Variants in NEURL1 observed in about 807,000 individuals in gnomAD.
NEURL1 encodes the protein neuralized E3 ubiquitin protein ligase 1.
In NEURL1, 26 loss-of-function variants were observed where a neutral mutation model predicts 41.2. The ratio of observed to expected loss-of-function variants is 0.63; its 90% CI spans 0.46 to 0.87. The LOEUF is 0.87. Among genes scored for constraint, NEURL1 ranks in the 40% least tolerant of loss-of-function variants. The pLI is 0.00. For synonymous variants in NEURL1, 400 were observed against 402.3 expected (o/e 0.99, Z 0.07); for missense variants, 761 against 871.1 (o/e 0.87, Z 1.59).
Position 103,584,990 on chromosome 10 carries a change from C to A in NEURL1, c.1104C>A (p.Ala368=), listed in dbSNP as rs551943362. 8 of 1,545,894 alleles carry A rather than the reference C, an allele frequency of 5.2e-6. No homozygotes were observed. In the East Asian group the frequency reaches 2.0e-4, roughly 38 times the overall value. Residue 368 remains alanine (A), a synonymous_variant, in exon 4 of 6, where the codon GCC becomes GCA. Transcript: ENST00000369780. ...TTCDPGTLRP[A]DLPFSPEALV... ...GCGACCCCGGCACGCTGCGGCCGGC[C>A]GACCTGCCTTTCAGCCCTGAGGCCC...
Position 103,498,329 on chromosome 10 carries a change from G to T in NEURL1, c.85+3857G>T, listed in dbSNP as rs553738405. Among the ~76,000 whole-genome samples the T allele has an allele frequency of 5.3e-5, 8 of 152,284 alleles. No homozygotes were observed. The South Asian group carries it at 8.3e-4, about 16-fold the overall frequency. On this transcript the variant is annotated intron_variant, in intron 1 of 5. Coordinates refer to ENST00000369780, the MANE Select transcript of NEURL1 (RefSeq NM_004210.5). Reference sequence around the variant, plus strand: ...TGCAAGCTCCGCCTCCCGGGTTCACGCCTTCTCCCGCCTCAGCCTCCCGAG... The same window carrying T: ...TGCAAGCTCCGCCTCCCGGGTTCACTCCTTCTCCCGCCTCAGCCTCCCGAG...
intron 1 of NEURL1, among the ~76,000 whole-genome samples, chr10:103,521,951 T>G (rs371325786): frequency 0.013 from 1,965 of 151,448 alleles, 34 homozygotes; most frequent in African/African-American, 0.044. Flanking sequence ...AGAGATAGGG[T>G]TGGGGCCGTT....
chr10:103,499,763 A>G (rs1554887850), intron 1 of NEURL1, among the ~76,000 whole-genome samples: 1 of 151,576 alleles, frequency 6.6e-6, no homozygotes, highest in Non-Finnish European at 1.5e-5. Flanking sequence ...GCCTCTAGCC[A>G]TTTTTCTGCA....
At chr10:103,570,067 A>G (rs1189859759) in intron 1 of NEURL1, among the ~76,000 whole-genome samples, 1 of 152,202 alleles carries the variant, frequency 6.6e-6, no homozygotes, top group African/African-American at 2.4e-5. Context: ...AGCTCTTTGC[A>G]TCATTAAATT....
chr10:103,506,255 T>C (rs1053297024), intron 1 of NEURL1, among the ~76,000 whole-genome samples: 2 of 152,128 alleles, frequency 1.3e-5, no homozygotes, highest in African/African-American at 2.4e-5. Flanking sequence ...CTCCAGGGCA[T>C]GGGGCAGTCC....
chr10:103,513,749 C>A (rs975277446), intron 1 of NEURL1, among the ~76,000 whole-genome samples: 1 of 145,640 alleles, frequency 6.9e-6, no homozygotes, highest in Non-Finnish European at 1.5e-5. Flanking sequence ...TGCCTCTGGC[C>A]TAGGAGCTGG....
At position 103,584,957 on chromosome 10, in the gene NEURL1, C is replaced by T. The variant is rs2035881149; in HGVS notation, c.1071C>T (p.Val357=). 6.6e-7 allele frequency: 1 copy of T among 1,512,730 alleles called. No individual in the cohort carries two copies. The highest frequency in any genetic ancestry group is 8.8e-7 in the Non-Finnish European group (1 of 1,139,598). The allele number at this position is 1,512,730 out of a possible 1,614,324, so 93.7% of individuals were successfully genotyped here. A position where few individuals can be genotyped will look rare whatever the true frequency, so the allele number is the denominator to read the frequency against. Residue 357 remains valine, a synonymous_variant, in exon 4 of 6, where the codon GTC becomes GTT. Transcript: ENST00000369780. ...GARPGALSFG[V]TTCDPGTLRP... Reference sequence around the variant, plus strand: ...GGCCCGGCGCGCTGTCGTTCGGCGTCACCACGTGCGACCCCGGCACGCTGC... The same window carrying T: ...GGCCCGGCGCGCTGTCGTTCGGCGTTACCACGTGCGACCCCGGCACGCTGC...
intron 3 of NEURL1, among the ~76,000 whole-genome samples, chr10:103,578,706 C>G (rs896142978): frequency 2.0e-5 from 3 of 152,304 alleles, no homozygotes; most frequent in Admixed American, 6.5e-5. Flanking sequence ...CTGCCCTTCC[C>G]TCTGTGAGCC....
chr10:103,532,920 CTTTTTT>C (rs144783148), intron 1 of NEURL1, among the ~76,000 whole-genome samples: 2 of 63,570 alleles, frequency 3.1e-5, no homozygotes, highest in African/African-American at 6.9e-5. Context: ...TTCTCTTCTC[CTTTTTT>C]TTTTTTTTTT....
intron 1 of NEURL1, among the ~76,000 whole-genome samples, chr10:103,568,103 C>T (rs1180726800): frequency 6.6e-6 from 1 of 152,112 alleles, no homozygotes; most frequent in Non-Finnish European, 1.5e-5. Context: ...CGTGTATGCC[C>T]GTGAGTGTGT....
At chr10:103,561,744 T>C (rs2035297602) in intron 1 of NEURL1, among the ~76,000 whole-genome samples, 1 of 152,164 alleles carries the variant, frequency 6.6e-6, no homozygotes, top group Non-Finnish European at 1.5e-5. Flanking sequence ...AGGTTGTGTA[T>C]GAAGGGCAAA....
At chr10:103,507,799 G>A (rs866165846) in intron 1 of NEURL1, among the ~76,000 whole-genome samples, 2 of 152,168 alleles carry the variant, frequency 1.3e-5, no homozygotes, top group Non-Finnish European at 2.9e-5. Context: ...CAGCACCTGC[G>A]GTGTGATGTG....
intron 1 of NEURL1, among the ~76,000 whole-genome samples, chr10:103,554,410 A>G (rs1348603456): frequency 1.3e-5 from 2 of 152,134 alleles, no homozygotes; most frequent in Non-Finnish European, 2.9e-5. Context: ...GCCCATGTAT[A>G]TGCACATTTG....
At chr10:103,498,511 C>A (rs1415638693) in intron 1 of NEURL1, among the ~76,000 whole-genome samples, 1 of 152,232 alleles carries the variant, frequency 6.6e-6, no homozygotes, top group Non-Finnish European at 1.5e-5. Flanking sequence ...CAGGTGTGAG[C>A]CACCGCGCCA....
chr10:103,557,819 T>G (rs1185613035), intron 1 of NEURL1, among the ~76,000 whole-genome samples: 4 of 152,256 alleles, frequency 2.6e-5, no homozygotes, highest in African/African-American at 9.6e-5. Flanking sequence ...AGGGGTGCCG[T>G]AGCCTGTAGC....
chr10:103,523,493 T>A (rs2034398422), intron 1 of NEURL1, among the ~76,000 whole-genome samples: 1 of 151,538 alleles, frequency 6.6e-6, no homozygotes, highest in African/African-American at 2.4e-5. Flanking sequence ...AAAAGTACAA[T>A]AAATTGTTGT....
intron 1 of NEURL1, among the ~76,000 whole-genome samples, chr10:103,562,601 A>G (rs769310520): frequency 6.6e-6 from 1 of 152,210 alleles, no homozygotes; most frequent in Non-Finnish European, 1.5e-5. Flanking sequence ...AATGCATTGC[A>G]TACAACAAGT....
intron 1 of NEURL1, among the ~76,000 whole-genome samples, chr10:103,529,427 T>C (rs915362264): frequency 1.3e-5 from 2 of 152,176 alleles, no homozygotes; most frequent in African/African-American, 4.8e-5. Flanking sequence ...CATTCTATAC[T>C]TACCACAGGT....
chr10:103,503,757 T>C (rs983747480), intron 1 of NEURL1, among the ~76,000 whole-genome samples: 1 of 150,142 alleles, frequency 6.7e-6, no homozygotes, highest in East Asian at 2.0e-4. Context: ...CTAACATATA[T>C]GTGCTAGAGC....
Sources: allele counts gnomAD v4.1 joint callset (sites outside exome capture counted in the v4.1 genomes callset), GRCh38; gene constraint gnomAD v4.1.1; transcripts MANE v1.5; gene names NCBI Gene and HGNC (gene_info 2026-07-23, HGNC 2026-07-21).